The following DMD variants were observed in gnomAD, a reference collection of about 807,000 sequenced individuals.
DMD encodes mutant dystrophin.
In DMD, 63 loss-of-function variants were observed where a neutral mutation model predicts 330.1. The ratio of observed to expected loss-of-function variants is 0.19; its 90% confidence interval spans 0.16 to 0.24. The LOEUF (loss-of-function observed/expected upper bound fraction) is 0.24. Among genes scored for constraint, DMD ranks in the 10% least tolerant of loss-of-function variants. The pLI, the probability that DMD is intolerant of heterozygous loss-of-function variation, is 1.00. For missense variants in DMD, 3,344 were observed against 2,684.1 expected, an observed-to-expected ratio of 1.25 and a Z score of -5.43; for synonymous variants, 1,223 against 959.8, an observed-to-expected ratio of 1.27 and a Z score of -5.07.
intron 9 of DMD, among the ~76,000 whole-genome samples, chrX:32,688,227 ATATCCTTGG>A (rs1264342464): frequency 9.0e-6 from 1 of 110,943 alleles, no homozygotes; most frequent in Non-Finnish European, 1.9e-5. Flanking sequence ...GAGCATTCAA[ATATCCTTGG>A]TTCGCAAAAA....
At chrX:32,309,224 T>C (rs189307379) in intron 42 of DMD, among the ~76,000 whole-genome samples, 2 of 111,785 alleles carry the variant, frequency 1.8e-5, no homozygotes, top group South Asian at 7.3e-4. Flanking sequence ...AAATGTGTGA[T>C]ATAGAATGAG....
rs1417364992 is a variant in DMD at position 32,445,033 on chromosome X, T to G, written c.3786+3423A>C. ...CTGAGTTGAGATATGGTAGGTAAAT[T>G]AGACTCCAGGGCATCACTAAAGCAT... On this transcript the variant is annotated intron_variant, in intron 27 of 78. Transcript: ENST00000357033. Among the ~76,000 whole-genome samples the G allele has an allele frequency of 8.1e-5, 9 of 111,480 alleles. No homozygotes were observed. The East Asian group carries it at 2.5e-3, about 32-fold the overall frequency.
intron 1 of DMD, among the ~76,000 whole-genome samples, chrX:33,178,582 T>C (rs900834548): frequency 8.9e-6 from 1 of 112,544 alleles, no homozygotes; most frequent in Non-Finnish European, 1.9e-5. Flanking sequence ...CCTGAAAAAG[T>C]GCATTGTCAA....
chrX:31,912,680 AT>A (rs1210684436), intron 47 of DMD, among the ~76,000 whole-genome samples: 2 of 111,708 alleles, frequency 1.8e-5, no homozygotes, highest in Non-Finnish European at 3.8e-5. Context: ...ATCTCAGTCC[AT>A]TTTTGTAGGG....
intron 62 of DMD, among the ~76,000 whole-genome samples, chrX:31,302,713 G>A (rs2054742791): frequency 9.0e-6 from 1 of 110,617 alleles, no homozygotes; most frequent in Admixed American, 9.7e-5. Flanking sequence ...TATTAAGTAG[G>A]GCTCTAGGAA....
At chrX:32,031,981 C>T (rs2095888026) in intron 44 of DMD, among the ~76,000 whole-genome samples, 1 of 111,767 alleles carries the variant, frequency 8.9e-6, no homozygotes, top group African/African-American at 3.3e-5. Flanking sequence ...ATAAACATTT[C>T]GTTGCAAATG....
intron 43 of DMD, among the ~76,000 whole-genome samples, chrX:32,266,733 T>C (rs1476412264): frequency 1.8e-5 from 2 of 112,255 alleles, no homozygotes; most frequent in Non-Finnish European, 3.8e-5. Context: ...CATTTCTGTC[T>C]TTTTATTTTT....
chrX:31,935,513 T>C (rs2094911871), intron 45 of DMD, among the ~76,000 whole-genome samples: 1 of 111,403 alleles, frequency 9.0e-6, no homozygotes, highest in Non-Finnish European at 1.9e-5. Context: ...TTTATTTGTT[T>C]AAATGTTCCA....
chrX:33,285,097 G>A (rs1194282375), intron 1 of DMD, among the ~76,000 whole-genome samples: 1 of 111,528 alleles, frequency 9.0e-6, no homozygotes, highest in Admixed American at 9.5e-5. Flanking sequence ...CATACATGTT[G>A]CTTTGTAATT....
At chrX:32,840,453 A>G (rs2080062181) in intron 4 of DMD, among the ~76,000 whole-genome samples, 1 of 111,468 alleles carries the variant, frequency 9.0e-6, no homozygotes, top group Admixed American at 9.6e-5. Context: ...TTTTAATTGA[A>G]GTGGAATATG....
At chrX:33,248,235 G>C (rs2052704018) in intron 1 of DMD, among the ~76,000 whole-genome samples, 1 of 110,742 alleles carries the variant, frequency 9.0e-6, no homozygotes, top group South Asian at 3.8e-4. Flanking sequence ...TATAGACGTG[G>C]TTTCACCGTG....
At chrX:31,572,093 C>T (rs2075853005) in intron 55 of DMD, among the ~76,000 whole-genome samples, 2 of 109,692 alleles carry the variant, frequency 1.8e-5, no homozygotes, top group African/African-American at 6.6e-5. Context: ...CACCGGTTTG[C>T]CTATGTAATA....
At chrX:31,972,825 T>G (rs1282208601) in intron 44 of DMD, among the ~76,000 whole-genome samples, 1 of 111,414 alleles carries the variant, frequency 9.0e-6, no homozygotes, top group Non-Finnish European at 1.9e-5. Context: ...GAAACAGACT[T>G]TTATGGTGCA....
At chrX:32,657,473 C>T (rs1014436493) in intron 9 of DMD, among the ~76,000 whole-genome samples, 9 of 111,760 alleles carry the variant, frequency 8.1e-5, no homozygotes, top group Non-Finnish European at 1.3e-4. Context: ...CTTACAAACA[C>T]CCTAAAAGGG....
chrX:32,599,603 T>C (rs774174118), intron 12 of DMD, among the ~76,000 whole-genome samples: 3 of 110,389 alleles, frequency 2.7e-5, no homozygotes, highest in South Asian at 3.9e-4. Context: ...CAAATATAGA[T>C]GCATCCCTAG....
chrX:31,177,119 C>G (rs887530638), intron 71 of DMD, among the ~76,000 whole-genome samples: 2 of 111,128 alleles, frequency 1.8e-5, no homozygotes, highest in African/African-American at 3.3e-5. Context: ...TATAACAACC[C>G]TACATAATGT....
intron 2 of DMD, among the ~76,000 whole-genome samples, chrX:33,000,102 G>A (rs2093240964): frequency 8.9e-6 from 1 of 112,065 alleles, no homozygotes; most frequent in Non-Finnish European, 1.9e-5. Flanking sequence ...ATTGGTAAAT[G>A]TATATTTTGT....
intron 56 of DMD, among the ~76,000 whole-genome samples, chrX:31,499,236 CGAT>C (rs1402383023): frequency 9.0e-6 from 1 of 111,334 alleles, no homozygotes; most frequent in Non-Finnish European, 1.9e-5. Context: ...GAGAATATAA[CGAT>C]GACTAATGTT....
chrX:31,346,093 G>C (rs969962955), intron 61 of DMD, among the ~76,000 whole-genome samples: 1 of 110,938 alleles, frequency 9.0e-6, no homozygotes, highest in Non-Finnish European at 1.9e-5. Flanking sequence ...GGCAATGAAA[G>C]AATATGGCAG....
Sources: gnomAD v4.1 joint callset for allele counts (sites outside exome capture counted in the v4.1 genomes callset) on GRCh38, gnomAD v4.1.1 for gene constraint, MANE v1.5 for transcripts, NCBI Gene and HGNC (gene_info 2026-07-23, HGNC 2026-07-21) for gene names.